Variants in BICRA observed in about 807,000 individuals in gnomAD.
BICRA encodes BRD4-interacting chromatin-remodeling complex-associated protein.
A neutral mutation model predicts 96.9 loss-of-function variants in BICRA; 31 were observed. That is an observed-to-expected ratio of 0.32 (90% CI 0.24 to 0.43). The LOEUF (loss-of-function observed/expected upper bound fraction) is 0.43. Among genes scored for constraint, BICRA ranks in the 20% least tolerant of loss-of-function variants. BICRA has a pLI of 1.00. For missense variants in BICRA, 2,283 were observed against 2,190.3 expected, an observed-to-expected ratio of 1.04 and a Z score of -0.84; for synonymous variants, 1,350 against 1,071.8, an observed-to-expected ratio of 1.26 and a Z score of -5.07.
At chr19:47,668,393 G>A (rs1048602458) in intron 1 of BICRA, among the ~76,000 whole-genome samples, 2 of 152,154 alleles carry the variant, frequency 1.3e-5, no homozygotes, top group Non-Finnish European at 2.9e-5. Flanking sequence ...GTTCCCAGCT[G>A]AGGTGGGGCC....
intron 1 of BICRA, among the ~76,000 whole-genome samples, chr19:47,645,716 C>G (rs745713831): frequency 6.6e-6 from 1 of 152,210 alleles, no homozygotes; most frequent in Admixed American, 6.5e-5. Flanking sequence ...GGGCATATTT[C>G]CTTCTGATCT....
chr19:47,702,333 C>G lies in BICRA; in HGVS notation c.4601C>G (p.Ser1534Cys), dbSNP rs1478376992. The change falls in exon 15 of 15, where the codon TCC (serine) becomes TGC (cysteine). Residue 1534 changes from serine (S) to cysteine (C), a missense_variant. Transcript: ENST00000594866. The part of the protein sequence containing the change: ...PHAASAGTPA[S>C]PPPLHRPEAY... ...GCTGCCTCGGCCGGCACCCCCGCAT[C>G]CCCGCCGCCCCTGCACAGGCCCGAG... The G allele has an allele frequency of 1.3e-6, 2 of 1,546,132 alleles. No individual in the cohort carries two copies. The highest frequency in any genetic ancestry group is 3.9e-5 in the Admixed American group (2 of 51,568).
intron 1 of BICRA, among the ~76,000 whole-genome samples, chr19:47,655,047 A>G (rs1237182314): frequency 6.6e-6 from 1 of 152,094 alleles, no homozygotes; most frequent in Non-Finnish European, 1.5e-5. Context: ...TGCTTTTCCC[A>G]TCATTTATGG....
intron 1 of BICRA, among the ~76,000 whole-genome samples, chr19:47,610,608 A>C (rs569782909): frequency 0.011 from 1,502 of 134,596 alleles, 2 homozygotes; most frequent in African/African-American, 0.014. Context: ...CCCTTTTGTC[A>C]CCCCCCCCCC....
chr19:47,676,045 G>A, intron 5 of BICRA, 129 bp downstream of exon 5: 2 of 370,982 alleles, frequency 5.4e-6, no homozygotes, highest in Non-Finnish European at 1.1e-5. Flanking sequence ...GCGGGGGTGG[G>A]CCACCCAGGG....
rs544913526 is a variant in BICRA, at chr19:47,632,361, G to A, written c.-108+23193G>A. On this transcript the variant is annotated intron_variant, in intron 1 of 14. Transcript: ENST00000594866. Reference sequence around the variant, plus strand: ...TGCCGGACTCTGGGGACCTTGGCAGGAGTCAGCCTGGGGCTGGCTGCTTCC... The same window carrying A: ...TGCCGGACTCTGGGGACCTTGGCAGAAGTCAGCCTGGGGCTGGCTGCTTCC... Among the ~76,000 whole-genome samples the A allele has an allele frequency of 2.6e-5, 4 of 152,368 alleles. No homozygotes were observed. The South Asian group carries it at 8.3e-4, about 32-fold the overall frequency.
intron 1 of BICRA, among the ~76,000 whole-genome samples, chr19:47,652,841 C>G (rs552884874): frequency 4.8e-4 from 73 of 152,214 alleles, no homozygotes; most frequent in Admixed American, 9.8e-4. Flanking sequence ...GTCATATACA[C>G]CCTTCCTGAA....
At chr19:47,662,113 T>A (rs1043476082) in intron 1 of BICRA, 5 of 152,270 alleles carry the variant, frequency 3.3e-5, no homozygotes, top group African/African-American at 1.2e-4. Flanking sequence ...AGCGAGACCC[T>A]GTCTCAGAAA....
At chr19:47,624,195 G>A (rs974909225) in intron 1 of BICRA, among the ~76,000 whole-genome samples, 2 of 152,002 alleles carry the variant, frequency 1.3e-5, no homozygotes, top group Admixed American at 6.6e-5. Flanking sequence ...CTTCAGCTCC[G>A]TACAAAGTCT....
intron 1 of BICRA, among the ~76,000 whole-genome samples, chr19:47,638,804 G>A (rs917131964): frequency 4.0e-5 from 6 of 151,780 alleles, no homozygotes; most frequent in African/African-American, 9.7e-5. Context: ...ACAGGTGGCC[G>A]CCACCATGCC....
chr19:47,699,300 C>T lies in BICRA; in HGVS notation c.3493-3C>T, dbSNP rs769672161. On this transcript the variant is annotated splice_region_variant and splice_polypyrimidine_tract_variant and intron_variant, in intron 13 of 14. Transcript: ENST00000594866. The surrounding 1 kb of genome is among the most constrained non-coding windows in gnomAD (Gnocchi z 5.0). The stretch of plus-strand genomic sequence containing the variant: ...TCGCACGTCGTCTTTTCCCCCACCC[C>T]AGAGGGTGAGCCCCTCAGCGGAGAT... The T allele has an allele frequency of 8.4e-6, 13 of 1,542,712 alleles. No homozygotes were observed. In the African/African-American group the frequency reaches 1.6e-4, roughly 20 times the overall value.
intron 1 of BICRA, among the ~76,000 whole-genome samples, chr19:47,634,032 A>G (rs1003486056): frequency 1.3e-5 from 2 of 152,166 alleles, no homozygotes; most frequent in Non-Finnish European, 1.5e-5. Flanking sequence ...GTGAATGTAA[A>G]TTCCGTTTCC....
chr19:47,657,604 G>T (rs1972639183), intron 1 of BICRA, among the ~76,000 whole-genome samples: 1 of 151,904 alleles, frequency 6.6e-6, no homozygotes, highest in Non-Finnish European at 1.5e-5. Context: ...CACTGTGTTA[G>T]CCAGGATGGT....
At chr19:47,659,899 A>G (rs181985648) in intron 1 of BICRA, among the ~76,000 whole-genome samples, 177 of 152,170 alleles carry the variant, frequency 1.2e-3, no homozygotes, top group Admixed American at 1.8e-3. Flanking sequence ...ACAGGTGCAC[A>G]CTAGCATACC....
intron 1 of BICRA, among the ~76,000 whole-genome samples, chr19:47,660,962 C>T (rs1228952948): frequency 6.6e-6 from 1 of 152,168 alleles, no homozygotes; most frequent in African/African-American, 2.4e-5. Flanking sequence ...CTAATCCCAG[C>T]ACTTTGGGAG....
At chr19:47,625,679 C>T (rs1464800293) in intron 1 of BICRA, among the ~76,000 whole-genome samples, 1 of 152,196 alleles carries the variant, frequency 6.6e-6, no homozygotes, top group East Asian at 1.9e-4. Context: ...AGGGAAGGTT[C>T]TGGAAGAGCC....
chr19:47,694,307 CAG>C lies in BICRA; in HGVS notation c.2477_2478del (p.Gln826ArgfsTer44). Reference protein sequence around the residue: ...EPPLHPCPPPQAPPTLPGIFV... With the variant: ...EPPLHPCPPPXAPPTLPGIFV... ...ACCCTTGCACCCTTGCCCCCCACCC[CAG>C]GCCCCCCCAACTCTGCCTGGCATCT... is the stretch of plus-strand genomic sequence containing the variant. On this transcript the variant is annotated frameshift_variant, in exon 8 of 15. Transcript: ENST00000594866. LOFTEE classifies it high-confidence loss of function. 18 of 1,013,308 alleles carry C rather than the reference CAG, an allele frequency of 1.8e-5. No homozygotes were observed. Among genetic ancestry groups the C allele is most frequent in the South Asian group, 7.3e-5 (5 of 68,226 alleles). 62.8% of individuals were successfully genotyped at this position (1,013,308 alleles called of 1,614,324 possible).
intron 1 of BICRA, among the ~76,000 whole-genome samples, chr19:47,651,755 G>A (rs1426516216): frequency 1.3e-5 from 2 of 152,184 alleles, no homozygotes; most frequent in Non-Finnish European, 2.9e-5. Flanking sequence ...CACCCTCCAG[G>A]CAACGAGCAC....
chr19:47,630,913 T>G (rs1313009676), intron 1 of BICRA, among the ~76,000 whole-genome samples: 1 of 152,130 alleles, frequency 6.6e-6, no homozygotes, highest in Non-Finnish European at 1.5e-5. Context: ...TGTTGTAGTC[T>G]TTTATTTTTT....
Sources: allele counts gnomAD v4.1 joint callset (sites outside exome capture counted in the v4.1 genomes callset), GRCh38; gene constraint gnomAD v4.1.1; non-coding constraint Gnocchi (gnomAD v3.1); transcripts MANE v1.5; gene names NCBI Gene and HGNC (gene_info 2026-07-23, HGNC 2026-07-21).